The following CEMIP2 variants were observed in gnomAD, a reference collection of about 807,000 sequenced individuals.
The protein encoded by CEMIP2 is cell surface hyaluronidase CEMIP2.
A neutral mutation model predicts 146.9 loss-of-function variants in CEMIP2; 79 were observed. The ratio of observed to expected loss-of-function variants is 0.54; its 90% CI spans 0.45 to 0.65. The LOEUF is 0.65. CEMIP2 is among the 30% of genes least tolerant of loss of function. The pLI is 0.00. For synonymous variants in CEMIP2, 601 were observed against 606.3 expected (o/e 0.99, Z 0.13); for missense variants, 1,596 against 1,696.2 (o/e 0.94, Z 1.04).
intron 16 of CEMIP2, among the ~76,000 whole-genome samples, chr9:71,709,966 A>G (rs1822859950): frequency 6.6e-6 from 1 of 152,210 alleles, no homozygotes; most frequent in African/African-American, 2.4e-5. Context: ...TTATCTCCAA[A>G]TGCTTCAGTT....
At chr9:71,720,862 G>A (rs188089389) in intron 12 of CEMIP2, among the ~76,000 whole-genome samples, 4 of 152,200 alleles carry the variant, frequency 2.6e-5, no homozygotes, top group Admixed American at 6.5e-5. Context: ...CAATATGTAT[G>A]TAGTTATAAA....
At chr9:71,745,971 G>A (rs954136058) in intron 3 of CEMIP2, among the ~76,000 whole-genome samples, 2 of 151,992 alleles carry the variant, frequency 1.3e-5, no homozygotes, top group African/African-American at 4.8e-5. Flanking sequence ...ATAAATCAGG[G>A]GTCTTGATTT....
In CEMIP2 at chr9:71,728,231, C is replaced by CTATATATA. The variant is rs767770130; in HGVS notation, c.2049+1606_2049+1613dup. ...TCTCTCTCTCTCTCTCTCTCTCTCT[C>CTATATATA]TATATATATATATATATATGTATAT... On this transcript the variant is annotated intron_variant, in intron 10 of 23. Coordinates refer to ENST00000377044, the MANE Select transcript of CEMIP2 (RefSeq NM_013390.3). 4.1e-4 allele frequency among the ~76,000 whole-genome samples: 6 copies of CTATATATA among 14,778 alleles called. 1 individual carries two copies. The highest frequency in any genetic ancestry group is 6.8e-4 in the African/African-American group (3 of 4,412). 9.7% of individuals were successfully genotyped at this position (14,778 alleles called of 152,430 possible).
intron 7 of CEMIP2, 134 bp downstream of exon 7, chr9:71,732,217 T>C: frequency 1.1e-6 from 1 of 903,598 alleles, no homozygotes; most frequent in Non-Finnish European, 1.6e-6. Context: ...TAAAACCTCC[T>C]CATTGTCATT....
intron 14 of CEMIP2, among the ~76,000 whole-genome samples, chr9:71,716,088 A>G (rs1177640976): frequency 6.6e-6 from 1 of 152,218 alleles, no homozygotes; most frequent in Non-Finnish European, 1.5e-5. Context: ...CATGACAACT[A>G]GAATGACTAT....
At chr9:71,711,021 G>A (rs1822890477) in intron 16 of CEMIP2, among the ~76,000 whole-genome samples, 1 of 152,150 alleles carries the variant, frequency 6.6e-6, no homozygotes, top group South Asian at 2.1e-4. Flanking sequence ...CCCAGGTGTG[G>A]CTGCCTGTGG....
intron 21 of CEMIP2, among the ~76,000 whole-genome samples, chr9:71,692,336 ATC>A (rs151025508): frequency 8.2e-3 from 359 of 44,040 alleles, no homozygotes; most frequent in Non-Finnish European, 8.3e-3. Flanking sequence ...CGCTCTCCCC[ATC>A]TCTCTCTCTC....
Position 71,730,739 on chromosome 9 carries a change from C to G in CEMIP2, c.1739G>C (p.Arg580Thr). The G allele has an allele frequency of 6.2e-7, 1 of 1,614,166 alleles. No individual in the cohort carries two copies. The highest frequency in any genetic ancestry group is 8.5e-7 in the Non-Finnish European group (1 of 1,180,034). Reference protein sequence around the residue: ...DGLSIHHSFSRCITVHGTNGL... With the variant: ...DGLSIHHSFSTCITVHGTNGL... Reference sequence around the variant, plus strand: ...ATTTGTCCCATGCACAGTGATGCACCTTGAGAAGCTGTGATGAATAGACAG... The same window carrying G: ...ATTTGTCCCATGCACAGTGATGCACGTTGAGAAGCTGTGATGAATAGACAG... The change falls in exon 8 of 24, where the codon AGG (arginine) becomes ACG (threonine). Residue 580 changes from arginine to threonine, a missense_variant. Physicochemically the swap from Arg to Thr is moderately conservative, Grantham distance 71. Transcript: ENST00000377044.
At chr9:71,704,134 C>T (rs976818582) in intron 18 of CEMIP2, among the ~76,000 whole-genome samples, 3 of 152,166 alleles carry the variant, frequency 2.0e-5, no homozygotes, top group African/African-American at 7.2e-5. Flanking sequence ...TCAGGCAGGG[C>T]TAGCAAATAC....
chr9:71,754,094 A>G (rs1360673792), intron 1 of CEMIP2, among the ~76,000 whole-genome samples: 1 of 152,212 alleles, frequency 6.6e-6, no homozygotes, highest in Admixed American at 6.5e-5. Context: ...GGATAGCATT[A>G]GGAGAAATAC....
intron 17 of CEMIP2, among the ~76,000 whole-genome samples, chr9:71,707,149 T>C (rs1822768660): frequency 6.6e-6 from 1 of 152,152 alleles, no homozygotes; most frequent in Non-Finnish European, 1.5e-5. Flanking sequence ...TTTCTAGTTT[T>C]GTTTCAGTTC....
chr9:71,690,317 G>A (rs78647003), intron 21 of CEMIP2, 71 bp from the exon 22 acceptor site: 55,834 of 1,548,840 alleles, frequency 0.036, 1,176 homozygotes, highest in Admixed American at 0.067. Flanking sequence ...TCATTTTTCC[G>A]GCCCTTTCCC....
chr9:71,748,678 G>A (rs939129239), intron 2 of CEMIP2, among the ~76,000 whole-genome samples: 3 of 152,118 alleles, frequency 2.0e-5, no homozygotes, highest in Non-Finnish European at 2.9e-5. Flanking sequence ...AAGGAGAGAG[G>A]AAGTCATACC....
chr9:71,687,612 T>TA (rs1426789358), intron 22 of CEMIP2, among the ~76,000 whole-genome samples: 2 of 152,086 alleles, frequency 1.3e-5, no homozygotes, highest in African/African-American at 4.8e-5. Context: ...GAGGATCATT[T>TA]GAGCCCAGGA....
At chr9:71,725,883 T>A (rs1332253862) in intron 10 of CEMIP2, among the ~76,000 whole-genome samples, 174 bp from the exon 11 acceptor site, 1 of 152,232 alleles carries the variant, frequency 6.6e-6, no homozygotes, top group Admixed American at 6.5e-5. Flanking sequence ...AGTGGTTATA[T>A]CATGTATTTT....
chr9:71,707,946 G>C (rs1054501228), intron 17 of CEMIP2, among the ~76,000 whole-genome samples: 10 of 152,130 alleles, frequency 6.6e-5, no homozygotes, highest in African/African-American at 2.2e-4. Flanking sequence ...CAGCATTTTG[G>C]GAGGCCGAGG....
At chr9:71,727,361 T>G (rs1823418202) in intron 10 of CEMIP2, among the ~76,000 whole-genome samples, 1 of 152,210 alleles carries the variant, frequency 6.6e-6, no homozygotes, top group South Asian at 2.1e-4. Context: ...AAACTCACTT[T>G]CCAGTTAGAA....
At chr9:71,718,600 A>G (rs1177661654) in intron 12 of CEMIP2, among the ~76,000 whole-genome samples, 7 of 152,026 alleles carry the variant, frequency 4.6e-5, no homozygotes, top group African/African-American at 1.7e-4. Context: ...TTTTTGAGAC[A>G]GAGTCTCACT....
At chr9:71,702,218 A>G (rs1822581673) in intron 18 of CEMIP2, among the ~76,000 whole-genome samples, 1 of 149,008 alleles carries the variant, frequency 6.7e-6, no homozygotes, top group Non-Finnish European at 1.5e-5. Context: ...AGATTGCACC[A>G]CTGCATTCTA....
Sources: gnomAD v4.1 joint callset for allele counts (sites outside exome capture counted in the v4.1 genomes callset) on GRCh38, gnomAD v4.1.1 for gene constraint, MANE v1.5 for transcripts, NCBI Gene and HGNC (gene_info 2026-07-23, HGNC 2026-07-21) for gene names.